RAB3GAP1: variants seen among roughly 807,000 people sequenced by gnomAD.
The protein encoded by RAB3GAP1 is RAB3 GTPase activating protein catalytic subunit 1, also known as rab3 GTPase-activating protein catalytic subunit.
In RAB3GAP1, 86 loss-of-function variants were observed where a neutral mutation model predicts 130.7. The ratio of observed to expected loss-of-function variants is 0.66; its 90% CI spans 0.55 to 0.79. RAB3GAP1 has a LOEUF of 0.79. Among genes scored for constraint, RAB3GAP1 ranks in the 30% least tolerant of loss-of-function variants. The probability of loss-of-function intolerance (pLI) is 0.00; values close to 1 mark genes in which losing one functional copy is unlikely to be tolerated. For missense variants in RAB3GAP1, 1,029 were observed against 1,169.4 expected, an observed-to-expected ratio of 0.88 and a Z score of 1.75; for synonymous variants, 367 against 401.7, an observed-to-expected ratio of 0.91 and a Z score of 1.03.
intron 5 of RAB3GAP1, among the ~76,000 whole-genome samples, chr2:135,110,952 TTTTC>T (rs1690786602): frequency 1.3e-5 from 2 of 152,280 alleles, no homozygotes; most frequent in South Asian, 4.1e-4. Context: ...ACTTGTTTTG[TTTTC>T]TTTCTTCCAG....
At chr2:135,114,336 C>T (rs1380526597) in intron 6 of RAB3GAP1, among the ~76,000 whole-genome samples, 1 of 152,076 alleles carries the variant, frequency 6.6e-6, no homozygotes, top group African/African-American at 2.4e-5. Flanking sequence ...ATTTGCATAT[C>T]GAATAGACTA....
chr2:135,138,396 G>A (rs995537574), intron 17 of RAB3GAP1, among the ~76,000 whole-genome samples: 2 of 151,966 alleles, frequency 1.3e-5, no homozygotes, highest in Non-Finnish European at 2.9e-5. Context: ...GCTGCAGTGA[G>A]CTATGATTGT....
chr2:135,117,455 TGC>T (rs1334753797), intron 7 of RAB3GAP1, among the ~76,000 whole-genome samples: 1,868 of 112,126 alleles, frequency 0.017, 61 homozygotes, highest in African/African-American at 0.062. Flanking sequence ...CTTCTTCTTC[TGC>T]TTCTGCTTCT....
At chr2:135,083,171 C>A (rs1689876149) in intron 3 of RAB3GAP1, among the ~76,000 whole-genome samples, 1 of 151,680 alleles carries the variant, frequency 6.6e-6, no homozygotes, top group Non-Finnish European at 1.5e-5. Context: ...CTTTTCATTG[C>A]TGAATAATAT....
At chr2:135,057,242 A>G (rs1222705822) in intron 2 of RAB3GAP1, among the ~76,000 whole-genome samples, 2 of 152,106 alleles carry the variant, frequency 1.3e-5, no homozygotes, top group African/African-American at 4.8e-5. Flanking sequence ...TGTCCATTAA[A>G]ACTTGTTTTA....
At chr2:135,121,192 C>A (rs767760975) in intron 8 of RAB3GAP1, among the ~76,000 whole-genome samples, 8 of 152,038 alleles carry the variant, frequency 5.3e-5, no homozygotes, top group Non-Finnish European at 1.0e-4. Context: ...ACATCATGTG[C>A]CATAAATTAC....
chr2:135,072,586 A>C (rs576123594), intron 3 of RAB3GAP1, among the ~76,000 whole-genome samples: 6 of 152,256 alleles, frequency 3.9e-5, no homozygotes, highest in African/African-American at 1.4e-4. Flanking sequence ...TCTTTTTATA[A>C]ATTTCCTGTC....
chr2:135,069,445 G>A (rs1420305317), intron 3 of RAB3GAP1, among the ~76,000 whole-genome samples: 1 of 151,020 alleles, frequency 6.6e-6, no homozygotes, highest in Non-Finnish European at 1.5e-5. Flanking sequence ...TTCCCTTTAG[G>A]TTTTTGATTT....
At chr2:135,095,152 C>A (rs560139539) in intron 5 of RAB3GAP1, among the ~76,000 whole-genome samples, 4 of 152,032 alleles carry the variant, frequency 2.6e-5, no homozygotes, top group African/African-American at 7.2e-5. Flanking sequence ...AGGTTCATGT[C>A]ATTCTCCTCC....
At chr2:135,106,163 G>A (rs566494573) in intron 5 of RAB3GAP1, among the ~76,000 whole-genome samples, 56 of 150,542 alleles carry the variant, frequency 3.7e-4, no homozygotes, top group Non-Finnish European at 7.2e-4. Flanking sequence ...TCCGGCCGCC[G>A]CCCCGTCCGG....
chr2:135,136,339 A>C (rs1376536760), intron 17 of RAB3GAP1, among the ~76,000 whole-genome samples: 1 of 152,186 alleles, frequency 6.6e-6, no homozygotes, highest in African/African-American at 2.4e-5. Context: ...AAGAAAAAAA[A>C]AGTGTTTATG....
At chr2:135,077,472 A>G (rs1689663641) in intron 3 of RAB3GAP1, among the ~76,000 whole-genome samples, 1 of 152,160 alleles carries the variant, frequency 6.6e-6, no homozygotes, top group Non-Finnish European at 1.5e-5. Flanking sequence ...CAGGAAGATT[A>G]CTTGAGGCCA....
chr2:135,112,227 C>T (rs1481674615), intron 5 of RAB3GAP1, among the ~76,000 whole-genome samples: 1 of 152,208 alleles, frequency 6.6e-6, no homozygotes, highest in Non-Finnish European at 1.5e-5. Context: ...ACAGCCGATA[C>T]TGCCTTCCAC....
intron 3 of RAB3GAP1, among the ~76,000 whole-genome samples, chr2:135,062,063 G>A (rs1370095586): frequency 3.3e-5 from 5 of 151,396 alleles, no homozygotes; most frequent in Admixed American, 3.3e-4. Context: ...GTCTCACTCT[G>A]TCACCCAGGC....
intron 23 of RAB3GAP1, among the ~76,000 whole-genome samples, chr2:135,167,968 A>G (rs932607710): frequency 1.3e-4 from 20 of 152,228 alleles, no homozygotes; most frequent in African/African-American, 4.8e-4. Context: ...TGTCATTTCA[A>G]TGAAAAAATA....
chr2:135,063,436 A>G (rs1689234558), intron 3 of RAB3GAP1, among the ~76,000 whole-genome samples: 2 of 152,108 alleles, frequency 1.3e-5, no homozygotes, highest in South Asian at 2.1e-4. Flanking sequence ...AACTTTTTTC[A>G]TCAGCTCAAA....
At chr2:135,120,791 C>T (rs958063782) in intron 7 of RAB3GAP1, 28 bp from the exon 8 acceptor site, 37 of 1,449,744 alleles carry the variant, frequency 2.6e-5, no homozygotes, top group Middle Eastern at 1.7e-4. Context: ...AGCATTTACA[C>T]GGTATTGTCT....
intron 17 of RAB3GAP1, among the ~76,000 whole-genome samples, chr2:135,141,901 G>A (rs1455499985): frequency 2.0e-5 from 3 of 151,886 alleles, no homozygotes; most frequent in South Asian, 2.1e-4. Flanking sequence ...ATTCTGTTCC[G>A]TTGGTCTCTG....
At chr2:135,158,501 G>A (rs1692378989) in intron 19 of RAB3GAP1, among the ~76,000 whole-genome samples, 2 of 152,172 alleles carry the variant, frequency 1.3e-5, no homozygotes, top group African/African-American at 4.8e-5. Context: ...GAAAAAATAG[G>A]AATTCTTGGA....
Sources: allele counts gnomAD v4.1 joint callset (sites outside exome capture counted in the v4.1 genomes callset), GRCh38; gene constraint gnomAD v4.1.1; transcripts MANE v1.5; gene names NCBI Gene and HGNC (gene_info 2026-07-23, HGNC 2026-07-21).